Variants in OCLN observed in about 807,000 individuals in gnomAD.
OCLN encodes occludin, also known as phosphatase 1, regulatory subunit 115.
OCLN carries 21 observed loss-of-function variants against 47.9 expected under a neutral mutation model. The ratio of observed to expected loss-of-function variants is 0.44; its 90% CI spans 0.31 to 0.63. The LOEUF is 0.63. OCLN is among the 30% of genes least tolerant of loss of function. OCLN has a pLI of 0.08. For missense variants in OCLN, 360 were observed against 571.0 expected, an observed-to-expected ratio of 0.63 and a Z score of 3.77; for synonymous variants, 117 against 198.4, an observed-to-expected ratio of 0.59 and a Z score of 3.45.
intron 1 of OCLN, among the ~76,000 whole-genome samples, chr5:69,497,306 G>A (rs1420618415): frequency 6.6e-6 from 1 of 151,338 alleles, no homozygotes; most frequent in East Asian, 1.9e-4. Context: ...CTGCTAAAGC[G>A]ATTCTTCTGA....
chr5:69,495,681 G>A (rs537722349), intron 1 of OCLN, among the ~76,000 whole-genome samples: 1 of 152,170 alleles, frequency 6.6e-6, no homozygotes, highest in East Asian at 1.9e-4. Context: ...GACATTTGAT[G>A]TCTGGGATAT....
chr5:69,550,537 GT>G (rs1769839573), intron 7 of OCLN, among the ~76,000 whole-genome samples: 1 of 148,518 alleles, frequency 6.7e-6, no homozygotes, highest in South Asian at 2.2e-4. Context: ...ATTGCTGAGA[GT>G]CAGAGGGTAC....
chr5:69,493,060 C>G lies in OCLN; in HGVS notation c.-69+160C>G, dbSNP rs1252545374. Among the ~76,000 whole-genome samples, 1 of 151,914 alleles carries G rather than the reference C, an allele frequency of 6.6e-6. No individual in the cohort carries two copies. The highest frequency in any genetic ancestry group is 1.5e-5 in the Non-Finnish European group (1 of 67,910). ...CTGGGACTCGTGGGAACCAGAGAGG[C>G]GCGGGTCTGCGGAGAGAGCAGCACC... On this transcript the variant is annotated intron_variant, in intron 1 of 8. Transcript: ENST00000396442. The surrounding 1 kb of genome is among the most constrained non-coding windows in gnomAD (Gnocchi z 5.3).
intron 2 of OCLN, among the ~76,000 whole-genome samples, chr5:69,508,731 A>G (rs1161196584): frequency 6.6e-6 from 1 of 152,130 alleles, no homozygotes; most frequent in Non-Finnish European, 1.5e-5. Flanking sequence ...CATTGTATGG[A>G]TATATTACAG....
At chr5:69,510,004 TTAAA>T (rs1243837664) in intron 3 of OCLN, among the ~76,000 whole-genome samples, 185 bp downstream of exon 3, 13 of 152,210 alleles carry the variant, frequency 8.5e-5, no homozygotes, top group African/African-American at 3.1e-4. Context: ...ATTTGATTAC[TTAAA>T]TAACAGTTCA....
At chr5:69,509,028 A>C in intron 2 of OCLN, 113 bp from the exon 3 acceptor site, 1 of 927,766 alleles carries the variant, frequency 1.1e-6, no homozygotes, top group East Asian at 2.4e-5. Flanking sequence ...TCCTGTGCAC[A>C]GATAAGCTTT....
chr5:69,507,945 G>A (rs1022022388), intron 2 of OCLN, among the ~76,000 whole-genome samples: 3 of 152,152 alleles, frequency 2.0e-5, no homozygotes, highest in Admixed American at 1.3e-4. Flanking sequence ...ACTTAATCTT[G>A]TATATCTAAA....
chr5:69,504,396 A>G, intron 2 of OCLN, 102 bp downstream of exon 2: 1 of 758,778 alleles, frequency 1.3e-6, no homozygotes, highest in Non-Finnish European at 2.4e-6. Flanking sequence ...AAATAAAACG[A>G]TATGTGTACT....
At chr5:69,532,441 T>G (rs1211952876) in intron 4 of OCLN, among the ~76,000 whole-genome samples, 4 of 152,256 alleles carry the variant, frequency 2.6e-5, no homozygotes, top group Non-Finnish European at 5.9e-5. Flanking sequence ...TTCTACCCTT[T>G]TGAATAGCAG....
chr5:69,532,177 T>G (rs958224463), intron 4 of OCLN, among the ~76,000 whole-genome samples: 14 of 152,144 alleles, frequency 9.2e-5, no homozygotes, highest in African/African-American at 3.4e-4. Context: ...AAACTAAGGC[T>G]TTATAGAATT....
chr5:69,500,734 G>A (rs1768434376), intron 1 of OCLN, among the ~76,000 whole-genome samples: 2 of 152,068 alleles, frequency 1.3e-5, no homozygotes, highest in South Asian at 4.1e-4. Flanking sequence ...GGGGAGACGT[G>A]ACAACTCTGA....
At chr5:69,549,002 T>C (rs1308395732) in intron 7 of OCLN, among the ~76,000 whole-genome samples, 1 of 146,218 alleles carries the variant, frequency 6.8e-6, no homozygotes, top group East Asian at 2.1e-4. Context: ...TTATTATCTT[T>C]CCTATTTATA....
Position 69,509,268 on chromosome 5 carries a change from T to G in OCLN, c.178T>G (p.Ser60Ala). Residue 60 changes from serine to alanine, a missense_variant, in exon 3 of 9, where the codon TCT (serine) becomes GCT (alanine). Around this residue, in one of 3 missense-constraint regions of OCLN, gnomAD observed 314 missense variants for 368.1 expected, o/e 0.85. Transcript: ENST00000396442. ...DEILHFYKWTSPPGVIRILSM... is the reference protein window; with the variant it reads ...DEILHFYKWTAPPGVIRILSM... ...AATTCTTCACTTCTACAAATGGACCTCTCCTCCAGGAGTGATTCGGATCCT... is the reference window on the plus strand; with the variant it reads ...AATTCTTCACTTCTACAAATGGACCGCTCCTCCAGGAGTGATTCGGATCCT... 1 of 1,614,220 alleles carries G rather than the reference T, an allele frequency of 6.2e-7. No individual in the cohort carries two copies. Among genetic ancestry groups the G allele is most frequent in the Non-Finnish European group, 8.5e-7 (1 of 1,180,040 alleles).
At chr5:69,512,485 G>A (rs115586429) in intron 3 of OCLN, among the ~76,000 whole-genome samples, 196 of 152,294 alleles carry the variant, frequency 1.3e-3, no homozygotes, top group African/African-American at 4.4e-3. Context: ...TGTGGAGTGG[G>A]AGTTCTCCAA....
At chr5:69,516,403 AG>A (rs1336880706) in intron 4 of OCLN, among the ~76,000 whole-genome samples, 1 of 152,150 alleles carries the variant, frequency 6.6e-6, no homozygotes, top group African/African-American at 2.4e-5. Flanking sequence ...AGGCTGAGGC[AG>A]GAGAATCAGG....
At chr5:69,497,385 A>ACT (rs1768326311) in intron 1 of OCLN, among the ~76,000 whole-genome samples, 1 of 116,316 alleles carries the variant, frequency 8.6e-6, no homozygotes, top group Non-Finnish European at 1.7e-5. Flanking sequence ...GTTTTTCTAG[A>ACT]TTTTTTTTTT....
chr5:69,494,596 T>G (rs1307632154), intron 1 of OCLN, among the ~76,000 whole-genome samples: 1 of 152,154 alleles, frequency 6.6e-6, no homozygotes, highest in African/African-American at 2.4e-5. Context: ...GTTTTGCAAT[T>G]TATTTAGTTA....
chr5:69,547,202 A>G (rs1769733779), intron 6 of OCLN, among the ~76,000 whole-genome samples: 1 of 150,782 alleles, frequency 6.6e-6, no homozygotes, highest in Non-Finnish European at 1.5e-5. Context: ...TGGTAGCAGG[A>G]AACAGCCACT....
At chr5:69,495,765 A>AG (rs1389558320) in intron 1 of OCLN, among the ~76,000 whole-genome samples, 1 of 152,080 alleles carries the variant, frequency 6.6e-6, no homozygotes, top group Non-Finnish European at 1.5e-5. Flanking sequence ...CTCTGAAAAA[A>AG]AAAACAAGTT....
Sources: allele counts gnomAD v4.1 joint callset (sites outside exome capture counted in the v4.1 genomes callset), GRCh38; gene constraint gnomAD v4.1.1; regional missense constraint gnomAD v4.1.1; non-coding constraint Gnocchi (gnomAD v3.1); transcripts MANE v1.5; gene names NCBI Gene and HGNC (gene_info 2026-07-23, HGNC 2026-07-21).